The following ABCA12 variants were observed in gnomAD, a reference collection of about 807,000 sequenced individuals.
ABCA12 encodes the protein glucosylceramide transporter ABCA12.
ABCA12 carries 156 observed loss-of-function variants against 293.5 expected under a neutral mutation model. The observed-to-expected ratio is 0.53, with a 90% CI of 0.47 to 0.61. The LOEUF is 0.61. Ranked by LOEUF, ABCA12 falls within the 20% of genes least tolerant of loss-of-function variation. The pLI, the probability that ABCA12 is intolerant of heterozygous loss-of-function variation, is 0.00. For missense variants in ABCA12, 2,797 were observed against 3,090.2 expected (o/e 0.91, Z 2.25); for synonymous variants, 1,063 against 1,108.0 (o/e 0.96, Z 0.81).
chr2:215,108,952 C>T (rs1702515747), intron 2 of ABCA12, among the ~76,000 whole-genome samples: 1 of 151,874 alleles, frequency 6.6e-6, no homozygotes, highest in Admixed American at 6.6e-5. Flanking sequence ...CCTGTAATCC[C>T]AGCTACTCAG....
intron 7 of ABCA12, among the ~76,000 whole-genome samples, chr2:215,045,282 C>A (rs747604866): frequency 1.3e-5 from 2 of 152,120 alleles, no homozygotes; most frequent in African/African-American, 2.4e-5. Context: ...GTTTCTCCTG[C>A]AAAGGTTTTA....
rs780563435 is a variant in ABCA12 at position 214,975,826 on chromosome 2, G to A, written c.5340C>T (p.Ser1780=). 1.9e-6 allele frequency: 3 copies of A among 1,613,966 alleles called. No homozygotes were observed. In the African/African-American group the frequency reaches 4.0e-5, roughly 22 times the overall value. ...GTTCGGAGGTACCATAAAGAGAGGG[G>A]GAGATCTGAATCTCTGGATAACTGT... ...SSNSYPEIQI[S]PSLYGTSEQT... Residue 1780 remains serine, a synonymous_variant, in exon 34 of 53, where the codon TCC becomes TCT. Coordinates refer to ENST00000272895, the MANE Select transcript of ABCA12 (RefSeq NM_173076.3).
rs1370481207 is a variant in ABCA12 at position 215,090,022 on chromosome 2, C to A, written c.163+21575G>T. ...AGAACCACAAAAGAAGTGAAAATGG[C>A]CGGTTCCTGCCTTAACTGATGACAT... is the stretch of plus-strand genomic sequence containing the variant. On this transcript the variant is annotated intron_variant, in intron 2 of 52. Transcript: ENST00000272895. Among the ~76,000 whole-genome samples, 4 of 152,140 alleles carry A rather than the reference C, an allele frequency of 2.6e-5. No individual in the cohort carries two copies. In the South Asian group the frequency reaches 8.3e-4, roughly 31 times the overall value.
In ABCA12 at chr2:214,970,393, G is replaced by A; in HGVS notation, c.5570C>T (p.Pro1857Leu). Residue 1857 changes from proline to leucine, a missense_variant, in exon 37 of 53, where the codon CCT becomes CTT. Around this residue, in one of 3 missense-constraint regions of ABCA12, gnomAD observed 2,130 missense variants for 2,427.0 expected, o/e 0.88. Coordinates refer to ENST00000272895, the MANE Select transcript of ABCA12 (RefSeq NM_173076.3). ...GTGCGGTGGGGAATAGTTAAATTTA[G>A]GACATTCCTGGAAAATAAAGTTAAA... ...CSCSENVQEC[P>L]KFNYSPPHRR... The A allele has an allele frequency of 6.2e-7, 1 of 1,613,088 alleles. No homozygotes were observed. Among genetic ancestry groups the A allele is most frequent in the Non-Finnish European group, 8.5e-7 (1 of 1,179,330 alleles).
At chr2:214,967,745 C>T (rs551009002) in intron 38 of ABCA12, among the ~76,000 whole-genome samples, 20 of 152,090 alleles carry the variant, frequency 1.3e-4, no homozygotes, top group Non-Finnish European at 2.5e-4. Context: ...CACAGGGATG[C>T]TGTGAGCAGA....
chr2:215,007,121 C>G (rs1700272650), intron 19 of ABCA12, among the ~76,000 whole-genome samples: 1 of 152,084 alleles, frequency 6.6e-6, no homozygotes, highest in African/African-American at 2.4e-5. Context: ...GTGATCCGCC[C>G]TCCTCAGCCT....
At chr2:215,036,808 A>G in intron 8 of ABCA12, 145 bp downstream of exon 8, 1 of 739,032 alleles carries the variant, frequency 1.4e-6, no homozygotes. Flanking sequence ...ACTTTGATTA[A>G]CTCGAGATCC....
At chr2:215,123,016 A>G (rs1702840611) in intron 1 of ABCA12, among the ~76,000 whole-genome samples, 1 of 152,122 alleles carries the variant, frequency 6.6e-6, no homozygotes, top group South Asian at 2.1e-4. Flanking sequence ...TTCCACTTAT[A>G]AGTGAGAACA....
intron 44 of ABCA12, among the ~76,000 whole-genome samples, chr2:214,953,209 T>C (rs1202015130): frequency 6.6e-6 from 1 of 152,222 alleles, no homozygotes; most frequent in East Asian, 1.9e-4. Context: ...CTAATGGCTG[T>C]TTAATGTTCT....
intron 7 of ABCA12, among the ~76,000 whole-genome samples, chr2:215,043,911 C>T (rs1452521209): frequency 2.0e-5 from 3 of 151,988 alleles, no homozygotes; most frequent in Non-Finnish European, 4.4e-5. Context: ...GATGATAACG[C>T]TATCTACATA....
chr2:215,011,734 A>C, intron 16 of ABCA12, 85 bp from the exon 17 acceptor site: 1 of 1,289,394 alleles, frequency 7.8e-7, no homozygotes. Context: ...ACCTGATAAT[A>C]CTTAGAGTAT....
chr2:215,122,023 T>G (rs1273687749), intron 1 of ABCA12, among the ~76,000 whole-genome samples: 1 of 152,204 alleles, frequency 6.6e-6, no homozygotes, highest in Non-Finnish European at 1.5e-5. Context: ...AAGAAATGAC[T>G]CATCTAAAAA....
chr2:214,999,818 T>C (rs964868401), intron 22 of ABCA12: 1 of 984,590 alleles, frequency 1.0e-6, no homozygotes, highest in African/African-American at 1.7e-5. Flanking sequence ...TGCACTGGGT[T>C]ACATTACCTC....
intron 50 of ABCA12, among the ~76,000 whole-genome samples, chr2:214,941,800 G>A (rs187215069): frequency 2.3e-3 from 330 of 146,150 alleles, no homozygotes; most frequent in African/African-American, 8.0e-3. Flanking sequence ...TTTGCTTTTC[G>A]TTTGCTTGGT....
At position 214,974,821 on chromosome 2, in the gene ABCA12, C is replaced by A; in HGVS notation, c.5425G>T (p.Asp1809Tyr). The change falls in exon 35 of 53, where the codon GAC becomes TAC. Residue 1809 changes from aspartate (D) to tyrosine (Y), a missense_variant. Physicochemically the swap from Asp to Tyr is radical, Grantham distance 160. This residue lies in a region of ABCA12 where 2,130 missense variants were observed against 2,427.0 expected (regional missense o/e 0.88). Transcript: ENST00000272895. ...STEALVSAMW[D>Y]FPGIDNMCLN... ...CACATGTTGTCAATTCCAGGGAAGT[C>A]CCACATTGCTGAGACAAGTGCTTCC... The A allele has an allele frequency of 6.2e-7, 1 of 1,614,052 alleles. No individual in the cohort carries two copies.
At chr2:214,985,453 C>T (rs147268203) in intron 28 of ABCA12, among the ~76,000 whole-genome samples, 192 of 152,152 alleles carry the variant, frequency 1.3e-3, no homozygotes, top group African/African-American at 4.4e-3. Flanking sequence ...AAGTAATGGG[C>T]ACTAGGCTTA....
intron 47 of ABCA12, chr2:214,947,925 G>T: frequency 3.4e-6 from 1 of 292,548 alleles, no homozygotes; most frequent in South Asian, 3.5e-5. Context: ...TTACCCCTGC[G>T]TCCTCTTTCT....
intron 1 of ABCA12, among the ~76,000 whole-genome samples, chr2:215,131,103 T>C (rs1703044953): frequency 6.6e-6 from 1 of 151,938 alleles, no homozygotes; most frequent in Admixed American, 6.6e-5. Context: ...GTGAATCATT[T>C]TTTCATGTGC....
chr2:215,004,302 A>C lies in ABCA12; in HGVS notation c.2593-3T>G. The stretch of plus-strand genomic sequence containing the variant: ...ACAAAAGGGTTCCTTAGAGTATTCT[A>C]ACAAATAATAATTAAAAATCAGTTT... On this transcript the variant is annotated splice_region_variant and splice_polypyrimidine_tract_variant and intron_variant, in intron 19 of 52. Coordinates refer to ENST00000272895, the MANE Select transcript of ABCA12 (RefSeq NM_173076.3). 1.2e-6 allele frequency: 2 copies of C among 1,602,054 alleles called. No individual in the cohort carries two copies. Among genetic ancestry groups the C allele is most frequent in the Non-Finnish European group, 1.7e-6 (2 of 1,170,588 alleles).
Sources: gnomAD v4.1 joint callset for allele counts (sites outside exome capture counted in the v4.1 genomes callset) on GRCh38, gnomAD v4.1.1 for gene constraint, gnomAD v4.1.1 regional missense constraint, MANE v1.5 for transcripts, NCBI Gene and HGNC (gene_info 2026-07-23, HGNC 2026-07-21) for gene names.